SAGE1: variants seen among roughly 807,000 people sequenced by gnomAD.
The protein encoded by SAGE1 is sarcoma antigen 1.
Under a neutral mutation model 55.4 loss-of-function variants are expected in SAGE1, and 55 were observed. The observed-to-expected ratio is 0.99, with a 90% confidence interval of 0.80 to 1.24. The LOEUF is 1.24. SAGE1 is among the 50% of genes most tolerant of loss of function. The pLI is 0.00. For synonymous variants in SAGE1, 240 were observed against 244.3 expected, an observed-to-expected ratio of 0.98 and a Z score of 0.17; for missense variants, 710 against 704.4, an observed-to-expected ratio of 1.01 and a Z score of -0.09.
chrX:135,896,615 A>G (rs1273362370), intron 2 of SAGE1, among the ~76,000 whole-genome samples: 4 of 104,506 alleles, frequency 3.8e-5, no homozygotes, highest in Admixed American at 1.0e-4. Flanking sequence ...CTGGAGTGCA[A>G]TGGCACGATC....
At chrX:135,897,111 G>A (rs1287789706) in intron 2 of SAGE1, among the ~76,000 whole-genome samples, 1 of 111,751 alleles carries the variant, frequency 8.9e-6, no homozygotes, top group Non-Finnish European at 1.9e-5. Context: ...TGTTATCCAA[G>A]TCACTAGTGC....
At position 135,912,949 on chromosome X, in the gene SAGE1, A is replaced by G. The variant is rs782118444; in HGVS notation, c.*52A>G. The G allele has an allele frequency of 4.0e-5, 34 of 848,071 alleles. No homozygotes were observed. In the Admixed American group the frequency reaches 4.0e-4, roughly 10 times the overall value. The allele number at this position is 848,071 out of a possible 1,213,427, so 69.9% of individuals were successfully genotyped here. The stretch of plus-strand genomic sequence containing the variant: ...AACAAGGACATATGCTGTAGGATGG[A>G]ACAGGTTATTGCTGAAGCTCCCTAT... On this transcript the variant is annotated 3_prime_UTR_variant, in exon 20 of 20. Transcript: ENST00000370709.
intron 5 of SAGE1, 134 bp from the exon 6 acceptor site, chrX:135,905,890 G>C: frequency 1.5e-5 from 8 of 549,287 alleles, no homozygotes; most frequent in Non-Finnish European, 2.3e-5. Flanking sequence ...AAATTCAGGG[G>C]TCTCAAATCA....
Position 135,908,470 on chromosome X carries a change from T to G in SAGE1, c.1301-7T>G. On this transcript the variant is annotated splice_polypyrimidine_tract_variant and splice_region_variant and intron_variant, in intron 11 of 19. Coordinates refer to ENST00000370709, the MANE Select transcript of SAGE1 (RefSeq NM_001381902.1). ...CTCACAGCTCGACCTCTTTATTTGG[T>G]TTCTAGATGCTACCGTCAATCACCA... 1 of 1,197,333 alleles carries G rather than the reference T, an allele frequency of 8.4e-7. No individual in the cohort carries two copies.
intron 10 of SAGE1, 54 bp from the exon 11 acceptor site, chrX:135,908,035 G>A: frequency 8.5e-7 from 1 of 1,173,423 alleles, no homozygotes. Flanking sequence ...GTATTCCTGT[G>A]GGATTGACAT....
intron 2 of SAGE1, among the ~76,000 whole-genome samples, chrX:135,900,000 G>A (rs1200510960): frequency 9.0e-6 from 1 of 110,689 alleles, no homozygotes; most frequent in Non-Finnish European, 1.9e-5. Flanking sequence ...TGCCTTGCCC[G>A]ATTCCCCTGG....
chrX:135,896,206 A>G (rs782270189), intron 1 of SAGE1, 37 bp from the exon 2 acceptor site: 1 of 992,630 alleles, frequency 1.0e-6, no homozygotes, highest in African/African-American at 1.8e-5. Flanking sequence ...AAAGTGTTCT[A>G]GTAACACACA....
Position 135,909,738 on chromosome X carries a change from T to G in SAGE1, c.1682T>G (p.Leu561Trp). 1 of 1,204,874 alleles carries G rather than the reference T, an allele frequency of 8.3e-7. No homozygotes were observed. The highest frequency in any genetic ancestry group is 3.0e-5 in the East Asian group (1 of 33,778). Residue 561 changes from leucine (L) to tryptophan (W), a missense_variant, in exon 14 of 20, where the codon TTG becomes TGG. Transcript: ENST00000370709. Reference protein sequence around the residue: ...LSTVLPGLTYLTVAGIPAMST... With the variant: ...LSTVLPGLTYWTVAGIPAMST... ...ACTGTTCTACCAGGACTTACTTATT[T>G]GACAGTAGCTGGTATTCCGGCCATG...
rs1406118160 is a variant in SAGE1, at chrX:135,908,559, A to G, written c.1383A>G (p.Leu461=). The G allele has an allele frequency of 1.7e-6, 2 of 1,207,040 alleles. No individual in the cohort carries two copies. The highest frequency in any genetic ancestry group is 2.2e-6 in the Non-Finnish European group (2 of 892,995). ...AGGATAACGTCTTGTCAAATGTTCTATCCGGGCTTATTAATATGGCAGGAG... is the reference window on the plus strand; with the variant it reads ...AGGATAACGTCTTGTCAAATGTTCTGTCCGGGCTTATTAATATGGCAGGAG... The part of the protein sequence containing the change: ...RKQDNVLSNV[L]SGLINMAGAS... The change falls in exon 12 of 20, where the codon CTA becomes CTG. Residue 461 remains leucine (L), a synonymous_variant. Transcript: ENST00000370709.
At chrX:135,899,164 T>C (rs2088631994) in intron 2 of SAGE1, among the ~76,000 whole-genome samples, 1 of 111,755 alleles carries the variant, frequency 8.9e-6, no homozygotes, top group Non-Finnish European at 1.9e-5. Context: ...TTGAGTAAAT[T>C]TTTGTATAAG....
rs2088765390 is a variant in SAGE1, at chrX:135,905,264, C to T, written c.326C>T (p.Ala109Val). The change falls in exon 5 of 20, where the codon GCT becomes GTT. Residue 109 changes from alanine (A) to valine (V), a missense_variant. Transcript: ENST00000370709. ...CATCGGTTTCCAGATGCTACCATCGCTCACAATATCCGTGAAGAGAGGATG... is the reference window on the plus strand; with the variant it reads ...CATCGGTTTCCAGATGCTACCATCGTTCACAATATCCGTGAAGAGAGGATG... The part of the protein sequence containing the change: ...TAPPWPDATI[A>V]HNIREERMEN... 8.3e-7 allele frequency: 1 copy of T among 1,206,072 alleles called. No homozygotes were observed. Among genetic ancestry groups the T allele is most frequent in the African/African-American group, 1.8e-5 (1 of 56,956 alleles).
intron 9 of SAGE1, 25 bp from the exon 10 acceptor site, chrX:135,907,676 C>A (rs782131564): frequency 8.3e-7 from 1 of 1,203,679 alleles, no homozygotes; most frequent in Non-Finnish European, 1.1e-6. Flanking sequence ...TAGCTCAGAG[C>A]TCAAGCTTTT....
intron 19 of SAGE1, 35 bp downstream of exon 19, chrX:135,912,449 G>A: frequency 8.4e-7 from 1 of 1,194,182 alleles, no homozygotes; most frequent in South Asian, 1.9e-5. Flanking sequence ...ATTGTTTTAA[G>A]CACTTGCGCC....
intron 15 of SAGE1, 36 bp from the exon 16 acceptor site, chrX:135,910,379 A>C: frequency 8.3e-7 from 1 of 1,203,408 alleles, no homozygotes; most frequent in Non-Finnish European, 1.1e-6. Context: ...GACATAATGC[A>C]CTTACCTCAC....
At chrX:135,899,105 T>C (rs2088631156) in intron 2 of SAGE1, among the ~76,000 whole-genome samples, 1 of 112,097 alleles carries the variant, frequency 8.9e-6, no homozygotes, top group Non-Finnish European at 1.9e-5. Flanking sequence ...TATTTTTTTT[T>C]CTAGGGTTTG....
At chrX:135,895,916 G>C (rs2088577246) in intron 1 of SAGE1, among the ~76,000 whole-genome samples, 1 of 111,438 alleles carries the variant, frequency 9.0e-6, no homozygotes, top group South Asian at 3.8e-4. Flanking sequence ...AGGAAGGTCA[G>C]CCCATTCTCA....
rs41302146 is a variant in SAGE1 at position 135,912,919 on chromosome X, G to T, written c.*22G>T. 0.04 allele frequency: 40,391 copies of T among 1,021,108 alleles called. 664 individuals are homozygous for T. Among genetic ancestry groups the T allele is most frequent in the Non-Finnish European group, 0.047 (34,508 of 728,189 alleles). The allele number at this position is 1,021,108 out of a possible 1,213,427, so 84.2% of individuals were successfully genotyped here. A position where few individuals can be genotyped will look rare whatever the true frequency, so the allele number is the denominator to read the frequency against. Reference sequence around the variant, plus strand: ...ATAATTGTGTTAGTGCAAAGACCAAGGAGAAACAAGGACATATGCTGTAGG... The same window carrying T: ...ATAATTGTGTTAGTGCAAAGACCAATGAGAAACAAGGACATATGCTGTAGG... On this transcript the variant is annotated 3_prime_UTR_variant, in exon 20 of 20. Transcript: ENST00000370709.
rs782681413 is a variant in SAGE1, at chrX:135,908,888, G to A, written c.1466G>A (p.Arg489His). ...DLYATITHSVREEKMESGKPQ... is the reference protein window; with the variant it reads ...DLYATITHSVHEEKMESGKPQ... ...GATGCTACCATTACTCACAGTGTTC[G>A]TGAAGAGAAGATGGAAAGTGGCAAA... Residue 489 changes from arginine to histidine, a missense_variant, in exon 13 of 20, where the codon CGT becomes CAT. Arg to His is a conservative substitution (Grantham distance 29). Coordinates refer to ENST00000370709, the MANE Select transcript of SAGE1 (RefSeq NM_001381902.1). 1.7e-5 allele frequency: 21 copies of A among 1,207,894 alleles called. No homozygotes were observed. In the Admixed American group the frequency reaches 3.7e-4, roughly 21 times the overall value.
At chrX:135,895,835 G>A (rs1164132819) in intron 1 of SAGE1, among the ~76,000 whole-genome samples, 1 of 111,600 alleles carries the variant, frequency 9.0e-6, no homozygotes, top group East Asian at 2.8e-4. Flanking sequence ...GGAATTCAGT[G>A]AAAATTGGCA....
Sources: allele counts gnomAD v4.1 joint callset (sites outside exome capture counted in the v4.1 genomes callset), GRCh38; gene constraint gnomAD v4.1.1; transcripts MANE v1.5; gene names NCBI Gene and HGNC (gene_info 2026-07-23, HGNC 2026-07-21).